Variants in SETBP1 observed in about 807,000 individuals in gnomAD.
The protein encoded by SETBP1 is SET binding protein 1.
A neutral mutation model predicts 101.0 loss-of-function variants in SETBP1; 9 were observed. That is an observed-to-expected ratio of 0.09 (90% CI 0.05 to 0.16). SETBP1 has a LOEUF of 0.16. Ranked by LOEUF, SETBP1 falls within the 10% of genes least tolerant of loss-of-function variation. The probability of loss-of-function intolerance (pLI) is 1.00; values close to 1 mark genes in which losing one functional copy is unlikely to be tolerated. For synonymous variants in SETBP1, 818 were observed against 788.5 expected (o/e 1.04, Z -0.63); for missense variants, 1,858 against 2,033.8 (o/e 0.91, Z 1.66).
chr18:44,829,984 G>C (rs570449408), intron 2 of SETBP1, among the ~76,000 whole-genome samples: 3 of 152,232 alleles, frequency 2.0e-5, no homozygotes, highest in Admixed American at 2.0e-4. Flanking sequence ...ATGAAGGAGA[G>C]AACACACTAT....
chr18:45,043,434 A>C (rs2073550539), intron 5 of SETBP1, among the ~76,000 whole-genome samples: 1 of 148,136 alleles, frequency 6.8e-6, no homozygotes. Flanking sequence ...TCTTAAGTCC[A>C]AGGAGAAAAA....
rs773555071 is a variant in SETBP1 at position 44,952,122 on chromosome 18, C to G, written c.2782C>G (p.Leu928Val). 6.2e-7 allele frequency: 1 copy of G among 1,614,156 alleles called. No homozygotes were observed. The highest frequency in any genetic ancestry group is 1.7e-5 in the Admixed American group (1 of 60,020). Reference sequence around the variant, plus strand: ...AAAGCATCTCATTGTGGACAACTTTCTGGCCCACGAAAGCCTCAAGAAGCC... The same window carrying G: ...AAAGCATCTCATTGTGGACAACTTTGTGGCCCACGAAAGCCTCAAGAAGCC... Reference protein sequence around the residue: ...RQKHLIVDNFLAHESLKKPKH... With the variant: ...RQKHLIVDNFVAHESLKKPKH... The change falls in exon 4 of 6, where the codon CTG becomes GTG. Residue 928 changes from leucine (L) to valine (V), a missense_variant. By Grantham distance (32) the Leu-to-Val change is conservative. Around this residue, in one of 12 missense-constraint regions of SETBP1, gnomAD observed 255 missense variants for 300.1 expected, o/e 0.85. Coordinates refer to ENST00000649279, the MANE Select transcript of SETBP1 (RefSeq NM_015559.3).
At chr18:44,932,033 A>C (rs921170566) in intron 3 of SETBP1, among the ~76,000 whole-genome samples, 4 of 152,286 alleles carry the variant, frequency 2.6e-5, no homozygotes, top group South Asian at 2.1e-4. Flanking sequence ...TCTTCCTAGC[A>C]TTGATGGTCT....
chr18:44,754,758 T>A (rs2070457070), intron 2 of SETBP1, among the ~76,000 whole-genome samples: 1 of 152,240 alleles, frequency 6.6e-6, no homozygotes, highest in Admixed American at 6.5e-5. Flanking sequence ...TGGTTCTCTT[T>A]GGCTCTCTGT....
intron 1 of SETBP1, among the ~76,000 whole-genome samples, chr18:44,697,605 G>GT (rs1465662127): frequency 3.9e-5 from 6 of 152,228 alleles, no homozygotes; most frequent in Non-Finnish European, 8.8e-5. Context: ...GATGCTATAG[G>GT]TAATGTCAGC....
intron 2 of SETBP1, among the ~76,000 whole-genome samples, chr18:44,774,525 C>T (rs1025342137): frequency 6.6e-6 from 1 of 152,078 alleles, no homozygotes; most frequent in Admixed American, 6.6e-5. Context: ...TGGATCACTG[C>T]TATAGGTGGT....
intron 2 of SETBP1, among the ~76,000 whole-genome samples, chr18:44,728,385 G>T (rs1047655947): frequency 2.1e-4 from 32 of 152,090 alleles, no homozygotes; most frequent in Admixed American, 9.2e-4. Flanking sequence ...CAAGGCATGC[G>T]GGTCTCGGGA....
chr18:44,834,114 T>A lies in SETBP1; in HGVS notation c.487-35116T>A, dbSNP rs12965105. On this transcript the variant is annotated intron_variant, in intron 2 of 5. Coordinates refer to ENST00000649279, the MANE Select transcript of SETBP1 (RefSeq NM_015559.3). The stretch of plus-strand genomic sequence containing the variant: ...AATTTGTAGAAACTCAGGGAAGGCA[T>A]TAAACTCCTCATTTAGCATGAGATA... Among the ~76,000 whole-genome samples the A allele has an allele frequency of 1.9e-3, 296 of 152,300 alleles. 1 individual carries two copies. The highest frequency in any genetic ancestry group is 6.8e-3 in the African/African-American group (282 of 41,574).
chr18:44,976,073 TACACACACACACAC>T lies in SETBP1; in HGVS notation c.4000+22763_4000+22776del, dbSNP rs57458132. Among the ~76,000 whole-genome samples, 13 of 143,682 alleles carry T rather than the reference TACACACACACACAC, an allele frequency of 9.0e-5. No homozygotes were observed. In the South Asian group the frequency reaches 1.2e-3, roughly 13 times the overall value. The allele number at this position is 143,682 out of a possible 152,430, so 94.3% of individuals were successfully genotyped here. ...AGTAAGTCGAGCTTTTGGGGAGGGA[TACACACACACACAC>T]ACACACACACACACACACACACACA... On this transcript the variant is annotated intron_variant, in intron 4 of 5. Coordinates refer to ENST00000649279, the MANE Select transcript of SETBP1 (RefSeq NM_015559.3).
At chr18:45,029,276 C>T (rs1476784242) in intron 4 of SETBP1, among the ~76,000 whole-genome samples, 4 of 152,032 alleles carry the variant, frequency 2.6e-5, no homozygotes, top group African/African-American at 9.7e-5. Flanking sequence ...GGAATCCTTT[C>T]CCCATTGCTT....
intron 1 of SETBP1, among the ~76,000 whole-genome samples, chr18:44,681,523 C>T (rs1205017610): frequency 7.6e-6 from 1 of 130,834 alleles, no homozygotes; most frequent in Non-Finnish European, 1.6e-5. Flanking sequence ...TGTCTTCCAG[C>T]CCCCCTCCCC....
chr18:44,913,298 T>C (rs2070354796), intron 3 of SETBP1, among the ~76,000 whole-genome samples: 1 of 152,240 alleles, frequency 6.6e-6, no homozygotes, highest in Non-Finnish European at 1.5e-5. Context: ...TCAGGACTGG[T>C]GAGGCAGTTT....
chr18:44,864,275 C>A (rs574427302), intron 2 of SETBP1, among the ~76,000 whole-genome samples: 1 of 152,074 alleles, frequency 6.6e-6, no homozygotes, highest in East Asian at 1.9e-4. Flanking sequence ...GGGTGGGAGA[C>A]GCAAAGAGAG....
At chr18:44,995,294 A>G (rs1448675891) in intron 4 of SETBP1, among the ~76,000 whole-genome samples, 1 of 151,800 alleles carries the variant, frequency 6.6e-6, no homozygotes, top group Non-Finnish European at 1.5e-5. Context: ...GGCACCTGCC[A>G]CCATGCCCGA....
chr18:44,874,416 A>G (rs1427259965), intron 3 of SETBP1, among the ~76,000 whole-genome samples: 1 of 152,220 alleles, frequency 6.6e-6, no homozygotes, highest in Non-Finnish European at 1.5e-5. Flanking sequence ...ACTGTGATAG[A>G]TGAAGGTTCC....
intron 2 of SETBP1, among the ~76,000 whole-genome samples, chr18:44,709,074 C>T (rs1363993012): frequency 1.3e-5 from 2 of 152,176 alleles, no homozygotes; most frequent in Non-Finnish European, 2.9e-5. Flanking sequence ...TTGGTTATCC[C>T]TCAACCCCGT....
At chr18:44,861,194 G>GA (rs2068999288) in intron 2 of SETBP1, among the ~76,000 whole-genome samples, 1 of 145,424 alleles carries the variant, frequency 6.9e-6, no homozygotes, top group Non-Finnish European at 1.5e-5. Flanking sequence ...CGCACAGTTT[G>GA]AAAACCACTG....
intron 4 of SETBP1, among the ~76,000 whole-genome samples, chr18:45,033,334 G>A (rs2073335380): frequency 6.6e-6 from 1 of 152,212 alleles, no homozygotes; most frequent in African/African-American, 2.4e-5. Context: ...TGATATGTGA[G>A]CTTGGGCAAA....
intron 2 of SETBP1, among the ~76,000 whole-genome samples, chr18:44,797,559 C>T (rs1470035855): frequency 6.6e-6 from 1 of 152,170 alleles, no homozygotes; most frequent in Non-Finnish European, 1.5e-5. Context: ...CCCATCCAGG[C>T]TGAGTCACAG....
Sources: allele counts gnomAD v4.1 joint callset (sites outside exome capture counted in the v4.1 genomes callset), GRCh38; gene constraint gnomAD v4.1.1; regional missense constraint gnomAD v4.1.1; transcripts MANE v1.5; gene names NCBI Gene and HGNC (gene_info 2026-07-23, HGNC 2026-07-21).